Variants in DOK6 observed in about 807,000 individuals in gnomAD.
DOK6 encodes the protein docking protein 6.
A neutral mutation model predicts 44.0 loss-of-function variants in DOK6; 22 were observed. The observed-to-expected ratio is 0.50, with a 90% CI of 0.36 to 0.71. The LOEUF (loss-of-function observed/expected upper bound fraction) is 0.71, where lower values mean the gene tolerates loss of function less well. Ranked by LOEUF, DOK6 falls within the 30% of genes least tolerant of loss-of-function variation. DOK6 has a pLI of 0.00. For missense variants in DOK6, 340 were observed against 416.4 expected (o/e 0.82, Z 1.60); for synonymous variants, 166 against 145.5 (o/e 1.14, Z -1.01).
At chr18:69,780,093 T>G (rs1394320893) in intron 7 of DOK6, among the ~76,000 whole-genome samples, 1 of 152,128 alleles carries the variant, frequency 6.6e-6, no homozygotes, top group Non-Finnish European at 1.5e-5. Flanking sequence ...GAAAATATAA[T>G]TGTTTAAAAT....
At chr18:69,633,008 C>A (rs181928054) in intron 3 of DOK6, among the ~76,000 whole-genome samples, 271 of 152,326 alleles carry the variant, frequency 1.8e-3, no homozygotes, top group Middle Eastern at 3.4e-3. Context: ...AGCTGTGAAT[C>A]ATAGATTCTC....
At chr18:69,821,766 T>C (rs1981578147) in intron 7 of DOK6, among the ~76,000 whole-genome samples, 2 of 145,070 alleles carry the variant, frequency 1.4e-5, no homozygotes, top group South Asian at 4.5e-4. Flanking sequence ...TTCCATTTCA[T>C]ATTTGTTGAT....
At chr18:69,677,370 G>GTGTATATA (rs1555722635) in intron 3 of DOK6, among the ~76,000 whole-genome samples, 3,961 of 149,214 alleles carry the variant, frequency 0.027, 93 homozygotes, top group African/African-American at 0.055. Context: ...ATATGTGTGT[G>GTGTATATA]TATATATATA....
At chr18:69,695,163 C>T (rs1986362977) in intron 4 of DOK6, among the ~76,000 whole-genome samples, 1 of 152,194 alleles carries the variant, frequency 6.6e-6, no homozygotes, top group Admixed American at 6.5e-5. Context: ...TTTCACAAAT[C>T]AACAGTTCTC....
intron 3 of DOK6, among the ~76,000 whole-genome samples, chr18:69,645,824 G>T (rs1325101012): frequency 6.6e-6 from 1 of 152,096 alleles, no homozygotes; most frequent in East Asian, 1.9e-4. Context: ...GATAAACAAA[G>T]ACAGCATTTC....
intron 3 of DOK6, among the ~76,000 whole-genome samples, chr18:69,617,102 A>AAT (rs398033372): frequency 2.6e-5 from 4 of 151,684 alleles, no homozygotes; most frequent in Non-Finnish European, 5.9e-5. Flanking sequence ...TAAAAAAAAA[A>AAT]TTCACTACAA....
At chr18:69,583,654 C>T (rs1983419271) in intron 2 of DOK6, among the ~76,000 whole-genome samples, 1 of 151,696 alleles carries the variant, frequency 6.6e-6, no homozygotes, top group South Asian at 2.1e-4. Context: ...TGGTGAAGCA[C>T]CTCTGTAATC....
At position 69,429,464 on chromosome 18, in the gene DOK6, A is replaced by G. The variant is rs150508849; in HGVS notation, c.66+28154A>G. On this transcript the variant is annotated intron_variant, in intron 1 of 7. Coordinates refer to ENST00000382713, the MANE Select transcript of DOK6 (RefSeq NM_152721.6). ...TGGATATTTTATATTTCTATCAAAAATATATTGGAAATAGTTTCTTAGATT... is the reference window on the plus strand; with the variant it reads ...TGGATATTTTATATTTCTATCAAAAGTATATTGGAAATAGTTTCTTAGATT... Among the ~76,000 whole-genome samples the G allele has an allele frequency of 2.2e-3, 335 of 151,756 alleles. 1 individual carries two copies. Among genetic ancestry groups the G allele is most frequent in the African/African-American group, 7.6e-3 (314 of 41,468 alleles).
intron 1 of DOK6, among the ~76,000 whole-genome samples, chr18:69,496,955 CA>C (rs1354096245): frequency 6.6e-6 from 1 of 152,092 alleles, no homozygotes; most frequent in Admixed American, 6.6e-5. Context: ...CTTATACAGG[CA>C]AAAACATGAG....
At chr18:69,434,622 C>G (rs1183680717) in intron 1 of DOK6, among the ~76,000 whole-genome samples, 2 of 88,772 alleles carry the variant, frequency 2.3e-5, no homozygotes, top group African/African-American at 4.4e-5. Flanking sequence ...AACCCTGTTT[C>G]TACAAAAAAT....
intron 2 of DOK6, among the ~76,000 whole-genome samples, chr18:69,589,884 C>G (rs1475595225): frequency 6.6e-6 from 1 of 152,084 alleles, no homozygotes; most frequent in Admixed American, 6.6e-5. Context: ...CATATACCTC[C>G]ACTTAAATGG....
rs117414199 is a variant in DOK6, at chr18:69,669,675, C to T, written c.290-8059C>T. On this transcript the variant is annotated intron_variant, in intron 3 of 7. Coordinates refer to ENST00000382713, the MANE Select transcript of DOK6 (RefSeq NM_152721.6). ...TCCCTCGGACCCCTTCCCGCACCCC[C>T]CCGCCGACCCTCCTGGCTCTTGTTC... Among the ~76,000 whole-genome samples the T allele has an allele frequency of 8.4e-3, 1,283 of 152,250 alleles. 9 individuals carry two copies. The highest frequency in any genetic ancestry group is 0.011 in the Non-Finnish European group (740 of 68,016).
intron 7 of DOK6, among the ~76,000 whole-genome samples, chr18:69,780,271 C>G (rs1980221730): frequency 6.6e-6 from 1 of 152,130 alleles, no homozygotes; most frequent in Non-Finnish European, 1.5e-5. Context: ...CAGGATTTAC[C>G]TGCCCCAAAT....
chr18:69,745,957 CATT>C (rs1357638552), intron 6 of DOK6, among the ~76,000 whole-genome samples: 1 of 152,176 alleles, frequency 6.6e-6, no homozygotes, highest in Non-Finnish European at 1.5e-5. Flanking sequence ...TAGATATTTA[CATT>C]TTTTTAATTT....
chr18:69,749,178 ACC>A (rs1203753873), intron 6 of DOK6, among the ~76,000 whole-genome samples: 2 of 152,040 alleles, frequency 1.3e-5, no homozygotes, highest in African/African-American at 2.4e-5. Flanking sequence ...GGAGAGGGAG[ACC>A]ATTAGGAAAA....
At chr18:69,787,721 C>T (rs1034224938) in intron 7 of DOK6, among the ~76,000 whole-genome samples, 1 of 152,102 alleles carries the variant, frequency 6.6e-6, no homozygotes, top group Non-Finnish European at 1.5e-5. Context: ...GATACAGTAC[C>T]TGTTTTCAAA....
intron 7 of DOK6, among the ~76,000 whole-genome samples, chr18:69,779,482 AG>A (rs1404343041): frequency 6.6e-6 from 1 of 151,702 alleles, no homozygotes; most frequent in African/African-American, 2.4e-5. Context: ...ACACACAAAC[AG>A]TATGTTTCTG....
intron 7 of DOK6, among the ~76,000 whole-genome samples, chr18:69,807,894 A>G (rs559402102): frequency 7.9e-5 from 12 of 151,968 alleles, no homozygotes; most frequent in Non-Finnish European, 1.5e-4. Flanking sequence ...CATCCAGAGA[A>G]AAAAAATCAA....
chr18:69,613,965 TTTA>T (rs910151489), intron 3 of DOK6, among the ~76,000 whole-genome samples: 25 of 143,742 alleles, frequency 1.7e-4, no homozygotes, highest in African/African-American at 6.6e-4. Context: ...TATTTTTTAT[TTTA>T]TTATTATTAT....
Sources: gnomAD v4.1 joint callset for allele counts (sites outside exome capture counted in the v4.1 genomes callset) on GRCh38, gnomAD v4.1.1 for gene constraint, MANE v1.5 for transcripts, NCBI Gene and HGNC (gene_info 2026-07-23, HGNC 2026-07-21) for gene names.